The following TIMP3 variants were observed in gnomAD, a reference collection of about 807,000 sequenced individuals.
TIMP3 encodes the protein TIMP metallopeptidase inhibitor 3, also known as metalloproteinase inhibitor 3.
TIMP3 carries 11 observed loss-of-function variants against 30.0 expected under a neutral mutation model. The observed-to-expected ratio is 0.37, with a 90% CI of 0.23 to 0.61. TIMP3 has a LOEUF of 0.61. TIMP3 is among the 20% of genes least tolerant of loss of function. TIMP3 has a pLI of 0.70. For synonymous variants in TIMP3, 112 were observed against 111.3 expected, an observed-to-expected ratio of 1.01 and a Z score of -0.04; for missense variants, 181 against 276.8, an observed-to-expected ratio of 0.65 and a Z score of 2.45.
intron 1 of TIMP3, among the ~76,000 whole-genome samples, chr22:32,829,470 G>A (rs769769441): frequency 3.3e-5 from 5 of 152,150 alleles, no homozygotes; most frequent in Non-Finnish European, 7.4e-5. Flanking sequence ...CCACATGTAG[G>A]CTCACTTCTT....
At chr22:32,815,539 T>C (rs544344848) in intron 1 of TIMP3, among the ~76,000 whole-genome samples, 1 of 152,346 alleles carries the variant, frequency 6.6e-6, no homozygotes, top group African/African-American at 2.4e-5. Context: ...TATTTCTACT[T>C]TGCAGATGAA....
chr22:32,805,086 G>T (rs1012149747), intron 1 of TIMP3, among the ~76,000 whole-genome samples: 4 of 152,120 alleles, frequency 2.6e-5, no homozygotes, highest in Non-Finnish European at 4.4e-5. Context: ...GCTGAGGGGG[G>T]TTGCAGCAGA....
intron 1 of TIMP3, among the ~76,000 whole-genome samples, chr22:32,806,589 T>C (rs578186286): frequency 6.6e-6 from 1 of 152,326 alleles, no homozygotes; most frequent in East Asian, 1.9e-4. Flanking sequence ...TGGGGCTTGT[T>C]GGCTGTGTGT....
intron 1 of TIMP3, among the ~76,000 whole-genome samples, chr22:32,820,353 C>CGTGTGTGTGTGTGT (rs35230068): frequency 3.5e-5 from 5 of 141,694 alleles, no homozygotes; most frequent in African/African-American, 1.3e-4. Flanking sequence ...CATTCCACTG[C>CGTGTGTGTGTGTGT]GTGTGTGTGT....
intron 1 of TIMP3, among the ~76,000 whole-genome samples, chr22:32,808,199 A>G (rs1395787015): frequency 6.6e-6 from 1 of 152,214 alleles, no homozygotes; most frequent in Non-Finnish European, 1.5e-5. Flanking sequence ...TTTGACTTTG[A>G]GGACTTACAT....
chr22:32,849,563 G>A (rs893672497), intron 2 of TIMP3, 29 bp downstream of exon 2: 2 of 1,603,056 alleles, frequency 1.2e-6, no homozygotes, highest in Non-Finnish European at 1.7e-6. Flanking sequence ...CTGGCTCCGG[G>A]AAGGTTTTTG....
intron 1 of TIMP3, among the ~76,000 whole-genome samples, chr22:32,808,197 T>G (rs2145971262): frequency 6.6e-6 from 1 of 152,330 alleles, no homozygotes; most frequent in Admixed American, 6.5e-5. Context: ...TGTTTGACTT[T>G]GAGGACTTAC....
intron 1 of TIMP3, among the ~76,000 whole-genome samples, chr22:32,846,021 G>C (rs1343609861): frequency 9.9e-5 from 15 of 152,134 alleles, no homozygotes; most frequent in Non-Finnish European, 2.2e-4. Context: ...TACTTTGGAA[G>C]GACTTTGAGA....
chr22:32,814,847 G>C (rs570319196), intron 1 of TIMP3, among the ~76,000 whole-genome samples: 14 of 152,136 alleles, frequency 9.2e-5, no homozygotes, highest in Non-Finnish European at 8.8e-5. Context: ...GGCTACACGT[G>C]AGCCATGTAT....
intron 1 of TIMP3, among the ~76,000 whole-genome samples, chr22:32,842,958 ATCT>A (rs1349379528): frequency 1.3e-5 from 2 of 152,294 alleles, no homozygotes; most frequent in African/African-American, 2.4e-5. Context: ...TTAGGTATCA[ATCT>A]TCTTCTCTGA....
chr22:32,826,392 G>A (rs1285892239), intron 1 of TIMP3, among the ~76,000 whole-genome samples: 1 of 152,106 alleles, frequency 6.6e-6, no homozygotes, highest in Non-Finnish European at 1.5e-5. Flanking sequence ...TTGTGTCACT[G>A]CACTATAGCT....
At chr22:32,812,783 A>AT (rs2145997101) in intron 1 of TIMP3, among the ~76,000 whole-genome samples, 1 of 152,324 alleles carries the variant, frequency 6.6e-6, no homozygotes, top group South Asian at 2.1e-4. Flanking sequence ...CTTAGATCAA[A>AT]CGTGTGCCCC....
At chr22:32,810,079 AGGGG>A (rs2046875143) in intron 1 of TIMP3, among the ~76,000 whole-genome samples, 1 of 152,212 alleles carries the variant, frequency 6.6e-6, no homozygotes, top group Admixed American at 6.5e-5. Flanking sequence ...TCTGGCATCC[AGGGG>A]TACACAAAGT....
chr22:32,802,147 G>A (rs937060546), intron 1 of TIMP3, 25 bp downstream of exon 1: 2 of 1,570,824 alleles, frequency 1.3e-6, no homozygotes, highest in African/African-American at 1.3e-5. Context: ...TGCCCCGCCC[G>A]AGCCCCACGC....
At chr22:32,840,643 C>T (rs2047870705) in intron 1 of TIMP3, among the ~76,000 whole-genome samples, 1 of 152,142 alleles carries the variant, frequency 6.6e-6, no homozygotes, top group Non-Finnish European at 1.5e-5. Context: ...CCGCCGCCCC[C>T]TCCGCCCCCC....
At chr22:32,822,527 A>C (rs1363569817) in intron 1 of TIMP3, among the ~76,000 whole-genome samples, 3 of 152,232 alleles carry the variant, frequency 2.0e-5, no homozygotes, top group African/African-American at 4.8e-5. Context: ...ATACACTTTA[A>C]CTAGCAATCT....
intron 1 of TIMP3, among the ~76,000 whole-genome samples, chr22:32,843,401 T>C (rs1040331270): frequency 1.3e-5 from 2 of 152,192 alleles, no homozygotes; most frequent in Non-Finnish European, 2.9e-5. Context: ...TCTGCCCTCC[T>C]TGGGCAGGCT....
intron 1 of TIMP3, among the ~76,000 whole-genome samples, chr22:32,836,721 G>C (rs2146168458): frequency 6.6e-6 from 1 of 152,310 alleles, no homozygotes; most frequent in Non-Finnish European, 1.5e-5. Flanking sequence ...GCTGCAGCAG[G>C]TGGGCCTTCC....
chr22:32,829,369 T>A (rs1236522833), intron 1 of TIMP3, among the ~76,000 whole-genome samples: 4 of 152,214 alleles, frequency 2.6e-5, no homozygotes, highest in Admixed American at 6.5e-5. Flanking sequence ...AGGCAACATG[T>A]CCCCTTTGCC....
Sources: allele counts gnomAD v4.1 joint callset (sites outside exome capture counted in the v4.1 genomes callset), GRCh38; gene constraint gnomAD v4.1.1; transcripts MANE v1.5; gene names NCBI Gene and HGNC (gene_info 2026-07-23, HGNC 2026-07-21).